CRTAC1: variants seen among roughly 807,000 people sequenced by gnomAD.
CRTAC1 encodes the protein cartilage acidic protein 1, also known as acidic secreted protein in cartilage.
In CRTAC1, 37 loss-of-function variants were observed where a neutral mutation model predicts 67.8. The ratio of observed to expected loss-of-function variants is 0.55; its 90% confidence interval spans 0.42 to 0.72. CRTAC1 has a LOEUF of 0.72. Among genes scored for constraint, CRTAC1 ranks in the 30% least tolerant of loss-of-function variants. The pLI is 0.00. For missense variants in CRTAC1, 780 were observed against 931.6 expected (o/e 0.84, Z 2.12); for synonymous variants, 348 against 371.0 (o/e 0.94, Z 0.71).
intron 3 of CRTAC1, among the ~76,000 whole-genome samples, chr10:97,932,447 G>C (rs538203442): frequency 2.6e-4 from 39 of 152,352 alleles, no homozygotes; most frequent in African/African-American, 9.1e-4. Context: ...CCTAGTAGGA[G>C]AGATGGACAA....
intron 2 of CRTAC1, among the ~76,000 whole-genome samples, chr10:97,964,428 T>C (rs1248569095): frequency 6.6e-6 from 1 of 152,194 alleles, no homozygotes; most frequent in Non-Finnish European, 1.5e-5. Flanking sequence ...TGACAGGCCA[T>C]CAGAGAATGA....
At chr10:97,907,940 A>G (rs2050635825) in intron 6 of CRTAC1, 73 bp downstream of exon 6, 2 of 1,543,294 alleles carry the variant, frequency 1.3e-6, no homozygotes, top group East Asian at 4.5e-5. Context: ...TGGAGGGGGC[A>G]GGGCAGTCTG....
At chr10:97,897,951 G>C (rs1425751133) in intron 8 of CRTAC1, among the ~76,000 whole-genome samples, 1 of 152,224 alleles carries the variant, frequency 6.6e-6, no homozygotes, top group Non-Finnish European at 1.5e-5. Flanking sequence ...GGAGTCCCCT[G>C]AGCTGGAGCC....
At chr10:97,966,416 T>C (rs570275532) in intron 2 of CRTAC1, among the ~76,000 whole-genome samples, 12 of 152,362 alleles carry the variant, frequency 7.9e-5, no homozygotes, top group African/African-American at 2.9e-4. Flanking sequence ...AGTCTGATTT[T>C]CTTTTTTAAG....
At chr10:97,878,027 C>A (rs573403347) in intron 14 of CRTAC1, among the ~76,000 whole-genome samples, 1 of 152,334 alleles carries the variant, frequency 6.6e-6, no homozygotes, top group African/African-American at 2.4e-5. Flanking sequence ...TATCTTAGAT[C>A]CACTTTGTTC....
Position 97,975,094 on chromosome 10 carries a change from G to C in CRTAC1, c.224+36044C>G, listed in dbSNP as rs1222463372. Among the ~76,000 whole-genome samples the C allele has an allele frequency of 6.6e-6, 1 of 152,120 alleles. No individual in the cohort carries two copies. Among genetic ancestry groups the C allele is most frequent in the Non-Finnish European group, 1.5e-5 (1 of 68,018 alleles). On this transcript the variant is annotated intron_variant, in intron 2 of 14. Coordinates refer to ENST00000370597, the MANE Select transcript of CRTAC1 (RefSeq NM_018058.7). The surrounding 1 kb of genome is among the most constrained non-coding windows in gnomAD (Gnocchi z 4.8). ...GCGGTGGAGGGCCGGCCCGGGAGGA[G>C]CGGCGGAGGGGCCGGAGCCTACAGT...
At position 98,029,975 on chromosome 10, in the gene CRTAC1, G is replaced by C. The variant is rs1319544795; in HGVS notation, c.24+474C>G. On this transcript the variant is annotated intron_variant, in intron 1 of 14. Coordinates refer to ENST00000370597, the MANE Select transcript of CRTAC1 (RefSeq NM_018058.7). This position sits in a 1 kb window ranked among gnomAD's most constrained non-coding sequence, Gnocchi z 4.7. ...CCCAGGGGAGGAAGAGCCAGCCCGC[G>C]GGGCTCTTCCCCAGCCTGGAAGCGT... 6.6e-6 allele frequency among the ~76,000 whole-genome samples: 1 copy of C among 152,134 alleles called. No individual in the cohort carries two copies. Among genetic ancestry groups the C allele is most frequent in the Non-Finnish European group, 1.5e-5 (1 of 68,022 alleles).
chr10:97,891,668 T>C (rs1189760241), intron 11 of CRTAC1, among the ~76,000 whole-genome samples: 1 of 152,266 alleles, frequency 6.6e-6, no homozygotes, highest in Non-Finnish European at 1.5e-5. Flanking sequence ...GGTTCACCTC[T>C]GTCTTTCTGT....
intron 2 of CRTAC1, among the ~76,000 whole-genome samples, chr10:97,987,178 G>T (rs549643487): frequency 6.6e-6 from 1 of 152,144 alleles, no homozygotes; most frequent in Non-Finnish European, 1.5e-5. Flanking sequence ...TATGAATCTC[G>T]CATTTGAGAG....
At chr10:98,023,352 C>A (rs943608892) in intron 1 of CRTAC1, among the ~76,000 whole-genome samples, 2 of 152,134 alleles carry the variant, frequency 1.3e-5, no homozygotes, top group Non-Finnish European at 2.9e-5. Flanking sequence ...AAATCGAATA[C>A]CAAGGGTCAC....
chr10:97,868,673 G>A (rs776767090), intron 14 of CRTAC1: 3 of 152,186 alleles, frequency 2.0e-5, no homozygotes, highest in Non-Finnish European at 4.4e-5. Context: ...ATGAGGGCAG[G>A]TTCATTCTGT....
chr10:98,023,203 C>A (rs1020741940), intron 1 of CRTAC1, among the ~76,000 whole-genome samples: 1 of 152,202 alleles, frequency 6.6e-6, no homozygotes, highest in Non-Finnish European at 1.5e-5. Flanking sequence ...TTGCTCCAGG[C>A]TCAGAGCCAG....
At chr10:98,014,430 A>T (rs1842958828) in intron 1 of CRTAC1, among the ~76,000 whole-genome samples, 1 of 152,238 alleles carries the variant, frequency 6.6e-6, no homozygotes, top group Non-Finnish European at 1.5e-5. Context: ...AGACAGCAAA[A>T]GCACAGGCAA....
chr10:98,011,998 G>C (rs1430835313), intron 1 of CRTAC1, among the ~76,000 whole-genome samples: 1 of 152,100 alleles, frequency 6.6e-6, no homozygotes, highest in Non-Finnish European at 1.5e-5. Flanking sequence ...TAGCCAGGGG[G>C]AATATGTGAC....
rs975423582 is a variant in CRTAC1 at position 98,030,255 on chromosome 10, G to A, written c.24+194C>T. Among the ~76,000 whole-genome samples, 3 of 152,070 alleles carry A rather than the reference G, an allele frequency of 2.0e-5. No homozygotes were observed. Among genetic ancestry groups the A allele is most frequent in the Non-Finnish European group, 4.4e-5 (3 of 67,980 alleles). On this transcript the variant is annotated intron_variant, in intron 1 of 14. Coordinates refer to ENST00000370597, the MANE Select transcript of CRTAC1 (RefSeq NM_018058.7). The surrounding 1 kb of genome is among the most constrained non-coding windows in gnomAD (Gnocchi z 4.2). ...GCCGCCGCCTCACCCCCAGCCCGCGGGGGAGGCTCCGCGCGCCAATCGAGT... is the reference window on the plus strand; with the variant it reads ...GCCGCCGCCTCACCCCCAGCCCGCGAGGGAGGCTCCGCGCGCCAATCGAGT...
intron 2 of CRTAC1, among the ~76,000 whole-genome samples, chr10:97,979,764 G>A (rs1374267897): frequency 6.6e-6 from 1 of 152,174 alleles, no homozygotes; most frequent in African/African-American, 2.4e-5. Flanking sequence ...AAATGTCTCT[G>A]GGGTGGAGCT....
intron 2 of CRTAC1, among the ~76,000 whole-genome samples, chr10:97,971,097 G>A (rs2051704037): frequency 6.6e-6 from 1 of 152,184 alleles, no homozygotes; most frequent in Non-Finnish European, 1.5e-5. Context: ...ATCCAATGCT[G>A]ACAAGCACAC....
At chr10:98,024,795 CCA>C (rs112213274) in intron 1 of CRTAC1, among the ~76,000 whole-genome samples, 52,979 of 118,006 alleles carry the variant, frequency 0.45, 11,976 homozygotes, top group Non-Finnish European at 0.48. Flanking sequence ...CACCTCTCCA[CCA>C]CACACACACA....
At chr10:97,994,838 A>G (rs992189164) in intron 2 of CRTAC1, among the ~76,000 whole-genome samples, 5 of 152,204 alleles carry the variant, frequency 3.3e-5, no homozygotes, top group Non-Finnish European at 7.3e-5. Context: ...TATTCTTCCC[A>G]GAAGGAATGA....
Sources: allele counts gnomAD v4.1 joint callset (sites outside exome capture counted in the v4.1 genomes callset), GRCh38; gene constraint gnomAD v4.1.1; non-coding constraint Gnocchi (gnomAD v3.1); transcripts MANE v1.5; gene names NCBI Gene and HGNC (gene_info 2026-07-23, HGNC 2026-07-21).